Variants in CCDC88B observed in about 807,000 individuals in gnomAD.
The protein encoded by CCDC88B is coiled-coil domain-containing protein 88B.
In CCDC88B, 138 loss-of-function variants were observed where a neutral mutation model predicts 183.7. The ratio of observed to expected loss-of-function variants is 0.75; its 90% CI spans 0.65 to 0.87. The LOEUF is 0.87. Among genes scored for constraint, CCDC88B ranks in the 40% least tolerant of loss-of-function variants. The pLI is 0.00. For missense variants in CCDC88B, 1,822 were observed against 1,965.6 expected (o/e 0.93, Z 1.38); for synonymous variants, 835 against 867.5 (o/e 0.96, Z 0.66).
At chr11:64,352,426 C>A in intron 19 of CCDC88B, 40 bp downstream of exon 19, 1 of 1,495,834 alleles carries the variant, frequency 6.7e-7, no homozygotes, top group South Asian at 1.3e-5. Context: ...CCTGGCACCC[C>A]CTATCTGCCA....
rs766686824 is a variant in CCDC88B, at chr11:64,357,047, G to A, written c.4384G>A (p.Val1462Ile). The A allele has an allele frequency of 6.3e-7, 1 of 1,596,294 alleles. No homozygotes were observed. The highest frequency in any genetic ancestry group is 8.6e-7 in the Non-Finnish European group (1 of 1,169,496). The change falls in exon 27 of 27, where the codon GTA becomes ATA. Residue 1462 changes from valine to isoleucine, a missense_variant. Val to Ile is a conservative substitution (Grantham distance 29). Transcript: ENST00000356786. ...ETDANREGPE[V>I]QEPEKRPLTP... is the part of the protein sequence containing the mutation. Reference sequence around the variant, plus strand: ...TGAGCCTTTCCCTCTAGGCCCTGAGGTACAGGAACCGGAGAAACGTCCCCT... The same window carrying A: ...TGAGCCTTTCCCTCTAGGCCCTGAGATACAGGAACCGGAGAAACGTCCCCT...
rs757663959 is a variant in CCDC88B at position 64,342,695 on chromosome 11, G to A, written c.1062+15G>A. On this transcript the variant is annotated intron_variant, in intron 10 of 26. Coordinates refer to ENST00000356786, the MANE Select transcript of CCDC88B (RefSeq NM_032251.6). Reference sequence around the variant, plus strand: ...GTCAGCTGGAGGTGAGGCGGAGACGGAGCCGCGGGGCGGGGCGTGCGCGAG... The same window carrying A: ...GTCAGCTGGAGGTGAGGCGGAGACGAAGCCGCGGGGCGGGGCGTGCGCGAG... 2 of 1,463,492 alleles carry A rather than the reference G, an allele frequency of 1.4e-6. No individual in the cohort carries two copies. The highest frequency in any genetic ancestry group is 2.7e-5 in the South Asian group (2 of 73,462). The allele number at this position is 1,463,492 out of a possible 1,614,324, so 90.7% of individuals were successfully genotyped here. A position where few individuals can be genotyped will look rare whatever the true frequency, so the allele number is the denominator to read the frequency against.
At chr11:64,349,925 A>G (rs2036264928) in intron 16 of CCDC88B, 4 of 544,466 alleles carry the variant, frequency 7.3e-6, no homozygotes, top group Non-Finnish European at 1.3e-5. Flanking sequence ...CGCCTGTCTC[A>G]CCCGAGGTCC....
chr11:64,352,121 C>T lies in CCDC88B; in HGVS notation c.3100-9C>T, dbSNP rs752881990. 1 of 1,530,140 alleles carries T rather than the reference C, an allele frequency of 6.5e-7. No individual in the cohort carries two copies. Among genetic ancestry groups the T allele is most frequent in the Non-Finnish European group, 8.8e-7 (1 of 1,134,982 alleles). 94.8% of individuals were successfully genotyped at this position (1,530,140 alleles called of 1,614,324 possible). On this transcript the variant is annotated splice_polypyrimidine_tract_variant and intron_variant, in intron 18 of 26. Transcript: ENST00000356786. Reference sequence around the variant, plus strand: ...CCCCAGCAGCCCCTGCTTCCCTCCTCCATCCTAGGCCGAGAAGTCTGTGCT... The same window carrying T: ...CCCCAGCAGCCCCTGCTTCCCTCCTTCATCCTAGGCCGAGAAGTCTGTGCT...
At position 64,342,001 on chromosome 11, in the gene CCDC88B, C is replaced by G. The variant is rs754574157; in HGVS notation, c.683C>G (p.Ala228Gly). Reference protein sequence around the residue: ...RERDLGAQRLAELLLEREPLC... With the variant: ...RERDLGAQRLGELLLEREPLC... ...TTGACCCCTGACCTACAGCGGCTGG[C>G]TGAACTGCTGCTGGAGCGAGAACCC... Residue 228 changes from alanine (A) to glycine (G), a missense_variant, in exon 8 of 27, where the codon GCT becomes GGT. By Grantham distance (60) the Ala-to-Gly change is moderately conservative. Coordinates refer to ENST00000356786, the MANE Select transcript of CCDC88B (RefSeq NM_032251.6). The G allele has an allele frequency of 6.2e-7, 1 of 1,612,832 alleles. No individual in the cohort carries two copies. The highest frequency in any genetic ancestry group is 8.5e-7 in the Non-Finnish European group (1 of 1,179,750).
chr11:64,356,196 A>G (rs574528938), intron 26 of CCDC88B: 1 of 151,758 alleles, frequency 6.6e-6, no homozygotes, highest in Non-Finnish European at 1.5e-5. Flanking sequence ...ACGGGGTTTC[A>G]CCATGTTGGT....
chr11:64,346,807 TC>T (rs2036128451), intron 14 of CCDC88B, among the ~76,000 whole-genome samples: 1 of 150,684 alleles, frequency 6.6e-6, no homozygotes. Context: ...TCTTTTCTTT[TC>T]TTTTCTTTTT....
At chr11:64,346,523 C>G (rs1258485112) in intron 14 of CCDC88B, among the ~76,000 whole-genome samples, 1 of 151,904 alleles carries the variant, frequency 6.6e-6, no homozygotes, top group Non-Finnish European at 1.5e-5. Flanking sequence ...TCACTGCAAG[C>G]TCCGCCTCCC....
rs1301453258 is a variant in CCDC88B at position 64,344,408 on chromosome 11, G to A, written c.1867G>A (p.Glu623Lys). Residue 623 changes from glutamate (E) to lysine (K), a missense_variant, in exon 14 of 27, where the codon GAG becomes AAG. Physicochemically the swap from Glu to Lys is moderately conservative, Grantham distance 56. Coordinates refer to ENST00000356786, the MANE Select transcript of CCDC88B (RefSeq NM_032251.6). This position sits in a 1 kb window ranked among gnomAD's most constrained non-coding sequence, Gnocchi z 4.5. ...TCAGGCCCCGCAGTTGCTGGGAGGA[G>A]AGACAGAGGGAAGAGAGGCTCCCCA... ...KIQAPQLLGG[E>K]TEGREAPQGE... The A allele has an allele frequency of 1.3e-6, 2 of 1,589,020 alleles. No individual in the cohort carries two copies. Among genetic ancestry groups the A allele is most frequent in the Non-Finnish European group, 8.6e-7 (1 of 1,168,128 alleles).
intron 7 of CCDC88B, 21 bp downstream of exon 7, chr11:64,341,763 G>A: frequency 6.5e-7 from 1 of 1,545,268 alleles, no homozygotes. Flanking sequence ...CAGGGGCATC[G>A]TGGACTCAGG....
In CCDC88B at chr11:64,342,526, A is replaced by G; in HGVS notation, c.908A>G (p.Gln303Arg). 6.5e-7 allele frequency: 1 copy of G among 1,528,452 alleles called. No homozygotes were observed. Among genetic ancestry groups the G allele is most frequent in the Non-Finnish European group, 8.8e-7 (1 of 1,142,608 alleles). 94.7% of individuals were successfully genotyped at this position (1,528,452 alleles called of 1,614,324 possible). A position where few individuals can be genotyped will look rare whatever the true frequency, so the allele number is the denominator to read the frequency against. Residue 303 changes from glutamine (Q) to arginine (R), a missense_variant, in exon 10 of 27, where the codon CAG (glutamine) becomes CGG (arginine). Gln to Arg is a conservative substitution (Grantham distance 43, BLOSUM62 1). Coordinates refer to ENST00000356786, the MANE Select transcript of CCDC88B (RefSeq NM_032251.6). ...GCTCCACACCGTCTGGCCCAGGCCC[A>G]GGCGCTGTCGGGACAGGCCAAGCGG... is the stretch of plus-strand genomic sequence containing the variant. ...AEIRRLRQEA[Q>R]ALSGQAKRAE...
chr11:64,345,250 C>T, intron 14 of CCDC88B, 93 bp downstream of exon 14: 1 of 1,366,990 alleles, frequency 7.3e-7, no homozygotes, highest in Non-Finnish European at 9.9e-7. Flanking sequence ...TCAGTGGGTG[C>T]CCAGCACTGA....
rs1565048008 is a variant in CCDC88B at position 64,344,862 on chromosome 11, GGGCAGAGGCCGAGGCCCACCGGGA to G, written c.2332_2355del (p.Glu778_Ala785del). 9.3e-6 allele frequency: 15 copies of G among 1,609,092 alleles called. No homozygotes were observed. Among genetic ancestry groups the G allele is most frequent in the Non-Finnish European group, 1.3e-5 (15 of 1,177,974 alleles). On this transcript the variant is annotated inframe_deletion, in exon 14 of 27. Transcript: ENST00000356786. The surrounding 1 kb of genome is among the most constrained non-coding windows in gnomAD (Gnocchi z 4.5). ...TCCAAGGAGCTGGCCCAAGCGCGAAGGGCAGAGGCCGAGGCCCACCGGGAGGCAGAGGCCCAGGCCTGGGAGCAA... is the reference window on the plus strand; with the variant it reads ...TCCAAGGAGCTGGCCCAAGCGCGAAGGGCAGAGGCCCAGGCCTGGGAGCAA...
chr11:64,350,987 A>G (rs2036305419), intron 16 of CCDC88B, among the ~76,000 whole-genome samples, 173 bp from the exon 17 acceptor site: 1 of 152,228 alleles, frequency 6.6e-6, no homozygotes, highest in African/African-American at 2.4e-5. Flanking sequence ...GTGACGGTGG[A>G]GCTTCAGGAA....
At chr11:64,352,421 C>T in intron 19 of CCDC88B, 35 bp downstream of exon 19, 1 of 1,499,466 alleles carries the variant, frequency 6.7e-7, no homozygotes, top group South Asian at 1.3e-5. Flanking sequence ...CCTCCCCTGG[C>T]ACCCCCTATC....
intron 26 of CCDC88B, chr11:64,356,755 G>A: frequency 6.2e-6 from 3 of 483,432 alleles, no homozygotes; most frequent in Non-Finnish European, 7.3e-6. Flanking sequence ...CAGGAGCTCT[G>A]GGCAGGCTGG....
intron 14 of CCDC88B, among the ~76,000 whole-genome samples, chr11:64,348,007 G>A (rs1040184924): frequency 4.2e-5 from 6 of 141,578 alleles, no homozygotes; most frequent in Admixed American, 7.7e-5. Context: ...CCAAGATCGC[G>A]CCACTGCAGT....
At chr11:64,346,514 C>T (rs1263618938) in intron 14 of CCDC88B, among the ~76,000 whole-genome samples, 3 of 151,732 alleles carry the variant, frequency 2.0e-5, no homozygotes, top group Non-Finnish European at 4.4e-5. Context: ...TATCTCGGCT[C>T]ACTGCAAGCT....
intron 14 of CCDC88B, chr11:64,348,999 C>T: frequency 1.4e-6 from 1 of 717,480 alleles, no homozygotes; most frequent in Non-Finnish European, 2.6e-6. Context: ...GGTGGCAGCC[C>T]ACCGGGCGCA....
Sources: allele counts gnomAD v4.1 joint callset (sites outside exome capture counted in the v4.1 genomes callset), GRCh38; gene constraint gnomAD v4.1.1; non-coding constraint Gnocchi (gnomAD v3.1); transcripts MANE v1.5; gene names NCBI Gene and HGNC (gene_info 2026-07-23, HGNC 2026-07-21).